KYAT3: variants seen among roughly 807,000 people sequenced by gnomAD.
KYAT3 encodes kynurenine aminotransferase 3, also known as kynurenine--oxoglutarate transaminase 3.
KYAT3 carries 50 observed loss-of-function variants against 59.0 expected under a neutral mutation model. That is an observed-to-expected ratio of 0.85 (90% CI 0.68 to 1.07). The LOEUF is 1.07. KYAT3 is among the 50% of genes least tolerant of loss of function. The pLI is 0.00. For missense variants in KYAT3, 497 were observed against 533.3 expected, an observed-to-expected ratio of 0.93 and a Z score of 0.67; for synonymous variants, 148 against 177.0, an observed-to-expected ratio of 0.84 and a Z score of 1.30.
At chr1:88,945,954 C>T (rs1197484881) in intron 11 of KYAT3, among the ~76,000 whole-genome samples, 1 of 152,112 alleles carries the variant, frequency 6.6e-6, no homozygotes, top group Non-Finnish European at 1.5e-5. Context: ...CCTTTTTGCT[C>T]CTATTATCAC....
At chr1:88,942,645 C>A (rs1205666313) in intron 13 of KYAT3, among the ~76,000 whole-genome samples, 1 of 152,060 alleles carries the variant, frequency 6.6e-6, no homozygotes, top group East Asian at 1.9e-4. Context: ...TCACTGCAAG[C>A]TCTTCCTCGC....
downstream of KYAT3, among the ~76,000 whole-genome samples, chr1:88,934,850 A>G (rs1674980653): frequency 6.6e-6 from 1 of 152,216 alleles, no homozygotes; most frequent in African/African-American, 2.4e-5. Context: ...ACATCCTGAA[A>G]TTATTATTCA....
At chr1:88,926,042 T>C in the KYAT3 span, among the ~76,000 whole-genome samples, 155 of 152,318 alleles carry the variant, frequency 1.0e-3, 1 homozygote, top group African/African-American at 3.6e-3. Flanking sequence ...GCATTCAATC[T>C]GTAGCAGCAA....
intron 2 of KYAT3, among the ~76,000 whole-genome samples, chr1:88,974,217 C>T (rs1676671283): frequency 6.6e-6 from 1 of 152,096 alleles, no homozygotes; most frequent in South Asian, 2.1e-4. Flanking sequence ...CCAAATGTTA[C>T]TGTCTTTTAG....
intron 2 of KYAT3, among the ~76,000 whole-genome samples, chr1:88,971,165 A>T (rs1250081578): frequency 1.3e-5 from 2 of 152,348 alleles, no homozygotes; most frequent in East Asian, 3.9e-4. Flanking sequence ...CCACAAACAC[A>T]AAGGATGATT....
At position 88,964,887 on chromosome 1, in the gene KYAT3, A is replaced by G; in HGVS notation, c.395T>C (p.Val132Ala). The change falls in exon 5 of 14, where the codon GTA (valine) becomes GCA (alanine). Residue 132 changes from valine (V) to alanine (A), a missense_variant. Transcript: ENST00000260508. ...GTTAAAAAGAGATCCATATGCTCCTACTGTCACAAGGATTTCTTTATTTGA... is the reference window on the plus strand; with the variant it reads ...GTTAAAAAGAGATCCATATGCTCCTGCTGTCACAAGGATTTCTTTATTTGA... ...IDSNKEILVT[V>A]GAYGSLFNTI... The G allele has an allele frequency of 6.2e-7, 1 of 1,609,348 alleles. No homozygotes were observed. The highest frequency in any genetic ancestry group is 8.5e-7 in the Non-Finnish European group (1 of 1,178,368).
chr1:88,970,277 ACTGTT>A (rs1219742591), intron 2 of KYAT3, among the ~76,000 whole-genome samples: 1 of 152,198 alleles, frequency 6.6e-6, no homozygotes, highest in African/African-American at 2.4e-5. Context: ...TGTCCTAGGT[ACTGTT>A]CTAAGTGCTT....
At chr1:88,943,132 C>T (rs1319709276) in intron 12 of KYAT3, 41 bp from the exon 13 acceptor site, 5 of 1,421,028 alleles carry the variant, frequency 3.5e-6, no homozygotes, top group African/African-American at 2.9e-5. Flanking sequence ...AAACTACTTA[C>T]ACTTCAAATA....
chr1:88,923,792 G>T, the KYAT3 span: 2 of 266,028 alleles, frequency 7.5e-6, no homozygotes, highest in South Asian at 8.1e-5. Flanking sequence ...AAGAGTCCAG[G>T]AGAGCCAAAA....
At chr1:88,985,495 A>C (rs1677401548) in intron 2 of KYAT3, among the ~76,000 whole-genome samples, 1 of 152,222 alleles carries the variant, frequency 6.6e-6, no homozygotes. Flanking sequence ...TCTGTGCCAA[A>C]AACACACCTA....
Position 88,961,092 on chromosome 1 carries a change from G to C in KYAT3, c.787+75C>G, listed in dbSNP as rs187727584. On this transcript the variant is annotated intron_variant, in intron 8 of 13. Transcript: ENST00000260508. Reference sequence around the variant, plus strand: ...ACAAAGACTGTTTTAGAGTTGGTCTGGGATGCTTTCCAATCAGTTCTTCCA... The same window carrying C: ...ACAAAGACTGTTTTAGAGTTGGTCTCGGATGCTTTCCAATCAGTTCTTCCA... 1.8e-5 allele frequency: 27 copies of C among 1,508,306 alleles called. No individual in the cohort carries two copies. In the East Asian group the frequency reaches 5.9e-4, roughly 33 times the overall value. The allele number at this position is 1,508,306 out of a possible 1,614,324, so 93.4% of individuals were successfully genotyped here.
intron 2 of KYAT3, among the ~76,000 whole-genome samples, chr1:88,978,121 G>T (rs1676882926): frequency 6.6e-6 from 1 of 151,918 alleles, no homozygotes; most frequent in Non-Finnish European, 1.5e-5. Context: ...GTATGTATAT[G>T]TTATGTATAT....
chr1:88,982,675 C>T (rs1677155579), intron 2 of KYAT3: 5 of 1,612,490 alleles, frequency 3.1e-6, no homozygotes, highest in Admixed American at 1.7e-5. Flanking sequence ...TTCTGCCTCC[C>T]CCTCTATCAG....
At chr1:88,950,045 T>G (rs1157490015) in intron 10 of KYAT3, among the ~76,000 whole-genome samples, 1 of 152,024 alleles carries the variant, frequency 6.6e-6, no homozygotes, top group Admixed American at 6.6e-5. Context: ...CAAAGGAGGG[T>G]TAGCTTGCTC....
intron 2 of KYAT3, chr1:88,984,121 G>A: frequency 2.3e-6 from 1 of 442,168 alleles, no homozygotes; most frequent in African/African-American, 2.0e-5. Flanking sequence ...GTAAAGCAGG[G>A]AAAGATGCTT....
chr1:88,961,082 G>A, intron 8 of KYAT3, 85 bp downstream of exon 8: 2 of 1,378,260 alleles, frequency 1.5e-6, no homozygotes, highest in Non-Finnish European at 2.0e-6. Flanking sequence ...GACTGTTTTA[G>A]AGTTGGTCTG....
downstream of KYAT3, among the ~76,000 whole-genome samples, chr1:88,933,535 C>T (rs1674952957): frequency 6.6e-6 from 1 of 152,046 alleles, no homozygotes; most frequent in South Asian, 2.1e-4. Flanking sequence ...GAAGACATAG[C>T]AGGTTAGTAG....
chr1:88,929,315 C>T, the KYAT3 span, among the ~76,000 whole-genome samples: 1 of 152,136 alleles, frequency 6.6e-6, no homozygotes, highest in Admixed American at 6.5e-5. Flanking sequence ...GCCGTTGTCC[C>T]TCTATACCCA....
At chr1:88,933,522 T>G (rs1166012352), downstream of KYAT3, among the ~76,000 whole-genome samples, 6 of 152,042 alleles carry the variant, frequency 3.9e-5, no homozygotes, top group African/African-American at 1.4e-4. Context: ...TTGCCCTGAA[T>G]AGGAAGACAT....
Sources: gnomAD v4.1 joint callset for allele counts (sites outside exome capture counted in the v4.1 genomes callset) on GRCh38, gnomAD v4.1.1 for gene constraint, MANE v1.5 for transcripts, NCBI Gene and HGNC (gene_info 2026-07-23, HGNC 2026-07-21) for gene names.